NLRP14: variants seen among roughly 807,000 people sequenced by gnomAD.
NLRP14 encodes NACHT, LRR and PYD domains-containing protein 14.
Under a neutral mutation model 94.7 loss-of-function variants are expected in NLRP14, and 105 were observed. The observed-to-expected ratio is 1.11, with a 90% CI of 0.95 to 1.30. The LOEUF (loss-of-function observed/expected upper bound fraction) is 1.30. Ranked by LOEUF, NLRP14 falls within the 50% of genes most tolerant of loss-of-function variation. The pLI is 0.00. For synonymous variants in NLRP14, 508 were observed against 459.9 expected, an observed-to-expected ratio of 1.10 and a Z score of -1.34; for missense variants, 1,362 against 1,254.1, an observed-to-expected ratio of 1.09 and a Z score of -1.30.
At chr11:7,090,433 C>A in the NLRP14 span, 18 of 1,179,550 alleles carry the variant, frequency 1.5e-5, no homozygotes, top group Non-Finnish European at 2.2e-5. Context: ...CTGTTAAGAT[C>A]GTCTCCATTT....
intron 5 of NLRP14, among the ~76,000 whole-genome samples, chr11:7,047,319 T>A (rs148740554): frequency 1.4e-4 from 7 of 49,784 alleles, no homozygotes; most frequent in African/African-American, 2.2e-4. Flanking sequence ...ACCCCTTTCG[T>A]TTTTTTTTTT....
the NLRP14 span, chr11:7,088,940 C>T: frequency 8.7e-6 from 6 of 687,714 alleles, no homozygotes; most frequent in East Asian, 1.7e-4. Context: ...TGGAAACAGC[C>T]GACCAATCAC....
intron 1 of NLRP14, among the ~76,000 whole-genome samples, chr11:7,031,961 C>A (rs1421058771): frequency 6.6e-6 from 1 of 152,190 alleles, no homozygotes; most frequent in Admixed American, 6.5e-5. Context: ...TTAGCACCCC[C>A]ACTCCCTCTA....
chr11:7,084,536 T>C, the NLRP14 span, among the ~76,000 whole-genome samples: 2 of 152,212 alleles, frequency 1.3e-5, no homozygotes, highest in African/African-American at 4.8e-5. Flanking sequence ...TCATGAAGCC[T>C]CCATAACAAT....
chr11:7,071,073 A>T, intron 11 of NLRP14, 100 bp from the exon 12 acceptor site: 1 of 1,359,942 alleles, frequency 7.4e-7, no homozygotes. Context: ...CTATTTTAAC[A>T]GAACAGTTTT....
downstream of NLRP14, among the ~76,000 whole-genome samples, chr11:7,076,088 T>C (rs1048777996): frequency 7.2e-5 from 11 of 152,300 alleles, no homozygotes; most frequent in African/African-American, 2.4e-4. Flanking sequence ...GGAACAGTGG[T>C]GATGGTTAGA....
intron 5 of NLRP14, among the ~76,000 whole-genome samples, chr11:7,049,083 AC>A (rs1852401997): frequency 6.6e-6 from 1 of 152,154 alleles, no homozygotes; most frequent in Non-Finnish European, 1.5e-5. Flanking sequence ...TGGACAGTGA[AC>A]AGAAGGGCAT....
chr11:7,032,408 C>A (rs950728380), intron 1 of NLRP14, among the ~76,000 whole-genome samples: 1 of 151,908 alleles, frequency 6.6e-6, no homozygotes, highest in Non-Finnish European at 1.5e-5. Flanking sequence ...AAACAAACAC[C>A]CTTATGCACA....
intron 6 of NLRP14, among the ~76,000 whole-genome samples, chr11:7,051,766 G>A (rs1004497540): frequency 6.6e-6 from 1 of 152,110 alleles, no homozygotes; most frequent in African/African-American, 2.4e-5. Flanking sequence ...GGGACTACAG[G>A]CCCATGCCAC....
At chr11:7,057,634 C>A in intron 6 of NLRP14, 43 bp from the exon 7 acceptor site, 3 of 1,577,460 alleles carry the variant, frequency 1.9e-6, no homozygotes, top group South Asian at 1.1e-5. Context: ...TGTAATTATT[C>A]TCTAAGGAGT....
chr11:7,089,400 C>A, the NLRP14 span: 1 of 1,588,744 alleles, frequency 6.3e-7, no homozygotes, highest in South Asian at 1.1e-5. Context: ...GAGCAGCCGG[C>A]GGGGCCCGCC....
At chr11:7,090,131 G>A in the NLRP14 span, 1 of 1,613,012 alleles carries the variant, frequency 6.2e-7, no homozygotes, top group Non-Finnish European at 8.5e-7. Flanking sequence ...ACCGCTACTC[G>A]AGGGGCCGAC....
At chr11:7,061,420 C>G (rs1220242096) in intron 9 of NLRP14, among the ~76,000 whole-genome samples, 1 of 151,984 alleles carries the variant, frequency 6.6e-6, no homozygotes, top group Admixed American at 6.6e-5. Context: ...CACTTTCTGT[C>G]CTTAGCATTG....
At chr11:7,027,214 CA>C (rs1245378648) in intron 1 of NLRP14, among the ~76,000 whole-genome samples, 1 of 151,378 alleles carries the variant, frequency 6.6e-6, no homozygotes, top group Non-Finnish European at 1.5e-5. Flanking sequence ...TTCTCTAAAA[CA>C]AAACAATAAA....
chr11:7,045,670 T>C (rs892525596), intron 4 of NLRP14, among the ~76,000 whole-genome samples: 1 of 152,018 alleles, frequency 6.6e-6, no homozygotes, highest in Non-Finnish European at 1.5e-5. Flanking sequence ...ATTTAAGATA[T>C]GGGAATGAAT....
At chr11:7,051,241 A>G (rs1368351460) in intron 6 of NLRP14, among the ~76,000 whole-genome samples, 3 of 152,334 alleles carry the variant, frequency 2.0e-5, no homozygotes, top group African/African-American at 4.8e-5. Context: ...GTGGGACTGC[A>G]TGTTCCCCCA....
intron 10 of NLRP14, 150 bp from the exon 11 acceptor site, chr11:7,070,136 T>C: frequency 3.1e-6 from 2 of 635,212 alleles, no homozygotes; most frequent in Middle Eastern, 4.2e-4. Flanking sequence ...ATGAATATTA[T>C]AGGTACTTAT....
At chr11:7,023,510 G>A (rs1283035528) in intron 1 of NLRP14, among the ~76,000 whole-genome samples, 2 of 126,914 alleles carry the variant, frequency 1.6e-5, no homozygotes, top group South Asian at 2.7e-4. Flanking sequence ...AAAAATTTAT[G>A]TATTAATATA....
chr11:7,033,616 T>C (rs1852124993), intron 1 of NLRP14, among the ~76,000 whole-genome samples: 1 of 152,240 alleles, frequency 6.6e-6, no homozygotes, highest in Admixed American at 6.5e-5. Context: ...AAAGTGGTTT[T>C]ATTAATTTAC....
Sources: allele counts gnomAD v4.1 joint callset (sites outside exome capture counted in the v4.1 genomes callset), GRCh38; gene constraint gnomAD v4.1.1; transcripts MANE v1.5; gene names NCBI Gene and HGNC (gene_info 2026-07-23, HGNC 2026-07-21).